SLC25A35: variants seen among roughly 807,000 people sequenced by gnomAD.
SLC25A35 encodes solute carrier family 25 member 35.
In SLC25A35, 32 loss-of-function variants were observed where a neutral mutation model predicts 30.5. The ratio of observed to expected loss-of-function variants is 1.05; its 90% CI spans 0.79 to 1.41. SLC25A35 has a LOEUF of 1.41. Among genes scored for constraint, SLC25A35 ranks in the 40% most tolerant of loss-of-function variants. The pLI is 0.00. For missense variants in SLC25A35, 369 were observed against 388.0 expected (o/e 0.95, Z 0.41); for synonymous variants, 142 against 158.1 (o/e 0.90, Z 0.77).
At chr17:8,289,600 G>A, downstream of SLC25A35, 1 of 1,610,644 alleles carries the variant, frequency 6.2e-7, no homozygotes, top group South Asian at 1.1e-5. Context: ...TAAGGAGGAA[G>A]GAACGGGCGG....
chr17:8,294,288 C>T (rs1459118295), intron 1 of SLC25A35, 145 bp downstream of exon 1: 1 of 789,868 alleles, frequency 1.3e-6, no homozygotes, highest in African/African-American at 1.7e-5. Context: ...GATCAGAAGA[C>T]TCCGAAGCCT....
chr17:8,290,863 C>A lies in SLC25A35; in HGVS notation c.708G>T (p.Gln236His). ...TTACCTTGCCCTGTGCATCTGTGGGCTGGTTGTAGAGCCTTGTGCAGGCCA... is the reference window on the plus strand; with the variant it reads ...TTACCTTGCCCTGTGCATCTGTGGGATGGTTGTAGAGCCTTGTGCAGGCCA... ...FDVACTRLYN[Q>H]PTDAQGKGLM... The change falls in exon 4 of 5, where the codon CAG (glutamine) becomes CAT (histidine). Residue 236 changes from glutamine (Q) to histidine (H), a missense_variant. Gln to His is a conservative substitution (Grantham distance 24). Transcript: ENST00000577745. The A allele has an allele frequency of 6.2e-7, 1 of 1,614,030 alleles. No homozygotes were observed. Among genetic ancestry groups the A allele is most frequent in the Middle Eastern group, 1.7e-4 (1 of 6,056 alleles).
chr17:8,295,240 G>T lies in SLC25A35; in HGVS notation c.-433C>A. The T allele has an allele frequency of 1.0e-6, 1 of 991,248 alleles. No homozygotes were observed. The allele number at this position is 991,248 out of a possible 1,614,324, so 61.4% of individuals were successfully genotyped here. On this transcript the variant is annotated 5_prime_UTR_variant, in exon 1 of 5. Transcript: ENST00000577745. ...AAGAAAAGGATCCGGGAGAAGAGCC[G>T]GTGATTTCCTCGAGCCAGCAACGAG...
chr17:8,294,082 A>AT lies in SLC25A35; in HGVS notation c.375+350dup, dbSNP rs1390886294. Among the ~76,000 whole-genome samples the AT allele has an allele frequency of 1.4e-4, 21 of 149,338 alleles. No individual in the cohort carries two copies. In the South Asian group the frequency reaches 1.9e-3, roughly 14 times the overall value. On this transcript the variant is annotated intron_variant, in intron 1 of 4. Coordinates refer to ENST00000577745, the MANE Select transcript of SLC25A35 (RefSeq NM_001320870.2). ...AGGCGCCCACCACCGCACCCGGCTA[A>AT]TTTTTTGTATTTTTAGTAGAGACGG...
rs199667058 is a variant in SLC25A35 at position 8,290,842 on chromosome 17, C to T, written c.729G>A (p.Lys243=). The change falls in exon 4 of 5, where the codon AAG becomes AAA. Residue 243 remains lysine (K), a splice_region_variant and synonymous_variant. Coordinates refer to ENST00000577745, the MANE Select transcript of SLC25A35 (RefSeq NM_001320870.2). ...LYNQPTDAQG[K]GLMYRGILDA... is the part of the protein sequence containing the mutation. ...CCTGCATCCCAGAGCACTTCCTTAC[C>T]TTGCCCTGTGCATCTGTGGGCTGGT... 1 of 1,613,930 alleles carries T rather than the reference C, an allele frequency of 6.2e-7. No homozygotes were observed. The highest frequency in any genetic ancestry group is 1.7e-5 in the Admixed American group (1 of 60,004).
chr17:8,292,376 G>A, intron 2 of SLC25A35, 147 bp downstream of exon 2: 1 of 758,500 alleles, frequency 1.3e-6, no homozygotes, highest in Non-Finnish European at 2.3e-6. Flanking sequence ...AGTAAAGAGG[G>A]TCTGGGTAGA....
chr17:8,289,136 C>A, downstream of SLC25A35: 5 of 1,601,268 alleles, frequency 3.1e-6, no homozygotes, highest in Non-Finnish European at 4.3e-6. Flanking sequence ...GCGGGGCCCG[C>A]GGCCGACGGT....
chr17:8,291,128 G>C (rs778556990), intron 3 of SLC25A35, 152 bp from the exon 4 acceptor site: 1 of 1,306,910 alleles, frequency 7.7e-7, no homozygotes, highest in Non-Finnish European at 1.0e-6. Flanking sequence ...GAAGGAGGAA[G>C]GCCAGGGTAC....
Position 8,295,014 on chromosome 17 carries a change from G to C in SLC25A35, c.-207C>G, listed in dbSNP as rs1232439069. 5.8e-6 allele frequency: 8 copies of C among 1,388,556 alleles called. No homozygotes were observed. Among genetic ancestry groups the C allele is most frequent in the Non-Finnish European group, 7.4e-6 (8 of 1,075,326 alleles). The allele number at this position is 1,388,556 out of a possible 1,614,324, so 86.0% of individuals were successfully genotyped here. A position where few individuals can be genotyped will look rare whatever the true frequency, so the allele number is the denominator to read the frequency against. The stretch of plus-strand genomic sequence containing the variant: ...TTTGGGAGTCAAGAGCTGGCAAGCA[G>C]GGAAGAGATAGAAATCTAGGAGATT... On this transcript the variant is annotated 5_prime_UTR_variant, in exon 1 of 5. Transcript: ENST00000577745.
In SLC25A35 at chr17:8,291,388, G is replaced by C. The variant is rs1182329374; in HGVS notation, c.539C>G (p.Ser180Cys). ...LGGLPRVIVG[S>C]STQLCTFSST... The stretch of plus-strand genomic sequence containing the variant: ...TGAGAAGGTGCACAGCTGGGTGGAG[G>C]AACCGACGATAACTCGGGGCAGGCC... Residue 180 changes from serine (S) to cysteine (C), a missense_variant, in exon 3 of 5, where the codon TCC (serine) becomes TGC (cysteine). Physicochemically the swap from Ser to Cys is moderately radical, Grantham distance 112. Transcript: ENST00000577745. 4 of 1,614,016 alleles carry C rather than the reference G, an allele frequency of 2.5e-6. No individual in the cohort carries two copies. Among genetic ancestry groups the C allele is most frequent in the Non-Finnish European group, 3.4e-6 (4 of 1,180,040 alleles).
intron 2 of SLC25A35, among the ~76,000 whole-genome samples, chr17:8,292,239 T>C (rs930327680): frequency 2.7e-5 from 4 of 150,468 alleles, no homozygotes; most frequent in African/African-American, 9.9e-5. Flanking sequence ...ACGCCTGTAG[T>C]CCCAAGCTAC....
rs138976471 is a variant in SLC25A35, at chr17:8,290,664, C to T, written c.744G>A (p.Arg248=). 1,033 of 1,570,630 alleles carry T rather than the reference C, an allele frequency of 6.6e-4. 6 individuals are homozygous for T. In the African/African-American group the frequency reaches 0.012, roughly 19 times the overall value. ...TDAQGKGLMY[R]GILDALLQTA... The stretch of plus-strand genomic sequence containing the variant: ...TCTGCAGCAGAGCGTCCAGTATCCC[C>T]CGGTACATGAGGCCCTGAGAGTGTG... The change falls in exon 5 of 5, where the codon CGG becomes CGA. Residue 248 remains arginine (R), a synonymous_variant. Transcript: ENST00000577745.
chr17:8,292,648 A>T (rs1990594149), intron 1 of SLC25A35, 60 bp from the exon 2 acceptor site: 4 of 1,472,738 alleles, frequency 2.7e-6, no homozygotes, highest in South Asian at 2.3e-5. Flanking sequence ...CCTGAGAACC[A>T]AATGTCTCAC....
chr17:8,289,236 T>C (rs749545437), downstream of SLC25A35: 17 of 1,612,496 alleles, frequency 1.1e-5, no homozygotes, highest in African/African-American at 2.3e-4. Context: ...TGTCCCTTCC[T>C]GACCCCGCTT....
In SLC25A35 at chr17:8,290,447, T is replaced by C; in HGVS notation, c.*58A>G. ...CTAATCAGTAGTCACCAGGACATAG[T>C]GGTGGAGGCACAAGTGGCCAAGGAG... On this transcript the variant is annotated 3_prime_UTR_variant, in exon 5 of 5. Coordinates refer to ENST00000577745, the MANE Select transcript of SLC25A35 (RefSeq NM_001320870.2). 1.3e-6 allele frequency: 2 copies of C among 1,520,324 alleles called. No homozygotes were observed. Among genetic ancestry groups the C allele is most frequent in the Non-Finnish European group, 1.8e-6 (2 of 1,138,654 alleles). 94.2% of individuals were successfully genotyped at this position (1,520,324 alleles called of 1,614,324 possible). A position where few individuals can be genotyped will look rare whatever the true frequency, so the allele number is the denominator to read the frequency against.
In SLC25A35 at chr17:8,290,207, G is replaced by C. The variant is rs1990376287; in HGVS notation, c.*298C>G. 1 of 1,427,442 alleles carries C rather than the reference G, an allele frequency of 7.0e-7. No homozygotes were observed. Among genetic ancestry groups the C allele is most frequent in the African/African-American group, 1.4e-5 (1 of 69,672 alleles). 88.4% of individuals were successfully genotyped at this position (1,427,442 alleles called of 1,614,324 possible). Reference sequence around the variant, plus strand: ...TTTAAAACTGTGCATGGGAGCAGGAGGGACTCAAGGGTGGCAGTGGTGAGT... The same window carrying C: ...TTTAAAACTGTGCATGGGAGCAGGACGGACTCAAGGGTGGCAGTGGTGAGT... On this transcript the variant is annotated 3_prime_UTR_variant, in exon 5 of 5. Transcript: ENST00000577745.
chr17:8,294,641 A>G lies in SLC25A35; in HGVS notation c.167T>C (p.Val56Ala), dbSNP rs1597452143. The G allele has an allele frequency of 6.2e-7, 1 of 1,614,092 alleles. No individual in the cohort carries two copies. Among genetic ancestry groups the G allele is most frequent in the Non-Finnish European group, 8.5e-7 (1 of 1,180,018 alleles). Residue 56 changes from valine to alanine, a missense_variant, in exon 1 of 5, where the codon GTG (valine) becomes GCG (alanine). Val to Ala is a moderately conservative substitution (Grantham distance 64). Coordinates refer to ENST00000577745, the MANE Select transcript of SLC25A35 (RefSeq NM_001320870.2). ...VFHAFITIGK[V>A]DGLAALQKGL... Reference sequence around the variant, plus strand: ...TTTCTGCAGGGCAGCAAGGCCATCCACCTTGCCGATGGTGATGAAGGCATG... The same window carrying G: ...TTTCTGCAGGGCAGCAAGGCCATCCGCCTTGCCGATGGTGATGAAGGCATG...
chr17:8,288,736 C>T, downstream of SLC25A35: 1 of 1,591,890 alleles, frequency 6.3e-7, no homozygotes, highest in East Asian at 2.2e-5. Flanking sequence ...CCACGTGACC[C>T]AATGTGGACT....
rs1257247378 is a variant in SLC25A35 at position 8,291,377 on chromosome 17, G to A, written c.550C>T (p.Leu184=). The A allele has an allele frequency of 1.8e-5, 29 of 1,614,062 alleles. No individual in the cohort carries two copies. Among genetic ancestry groups the A allele is most frequent in the Non-Finnish European group, 2.4e-5 (28 of 1,180,042 alleles). The part of the protein sequence containing the change: ...PRVIVGSSTQ[L]CTFSSTKDLL... ...TCCTTGGTGGATGAGAAGGTGCACA[G>A]CTGGGTGGAGGAACCGACGATAACT... The change falls in exon 3 of 5, where the codon CTG becomes TTG. Residue 184 remains leucine (L), a synonymous_variant. Transcript: ENST00000577745.
Sources: gnomAD v4.1 joint callset for allele counts (sites outside exome capture counted in the v4.1 genomes callset) on GRCh38, gnomAD v4.1.1 for gene constraint, MANE v1.5 for transcripts, NCBI Gene and HGNC (gene_info 2026-07-23, HGNC 2026-07-21) for gene names.